The following ENTREP2 variants were observed in gnomAD, a reference collection of about 807,000 sequenced individuals.
The protein encoded by ENTREP2 is protein ENTREP2.
the ENTREP2 span, among the ~76,000 whole-genome samples, chr15:29,489,726 TAAC>T: frequency 2.0e-5 from 3 of 152,098 alleles, no homozygotes; most frequent in Non-Finnish European, 4.4e-5. Context: ...AAGGAGAACT[TAAC>T]AGCACTCTAG....
At chr15:29,347,939 T>C in the ENTREP2 span, among the ~76,000 whole-genome samples, 6 of 152,296 alleles carry the variant, frequency 3.9e-5, no homozygotes, top group African/African-American at 1.2e-4. Context: ...TTCCATTCAC[T>C]GTCATGGCAT....
At chr15:29,668,751 C>T in the ENTREP2 span, among the ~76,000 whole-genome samples, 1 of 152,210 alleles carries the variant, frequency 6.6e-6, no homozygotes, top group South Asian at 2.1e-4. Context: ...CTGACATTCC[C>T]TTATCTGTCT....
chr15:29,632,271 A>T, the ENTREP2 span, among the ~76,000 whole-genome samples: 1 of 152,104 alleles, frequency 6.6e-6, no homozygotes. Context: ...TTATCCATTA[A>T]ATTATTTCCA....
the ENTREP2 span, among the ~76,000 whole-genome samples, chr15:29,175,885 C>A: frequency 2.6e-5 from 4 of 152,242 alleles, no homozygotes; most frequent in African/African-American, 7.2e-5. Context: ...GGATAACAGG[C>A]GTGAGCCACT....
At chr15:29,378,499 T>C in the ENTREP2 span, among the ~76,000 whole-genome samples, 1 of 152,188 alleles carries the variant, frequency 6.6e-6, no homozygotes, top group African/African-American at 2.4e-5. Context: ...TAAGTAGACC[T>C]TGAACAAAGC....
the ENTREP2 span, chr15:29,611,018 A>G: frequency 6.6e-6 from 1 of 152,224 alleles, no homozygotes; most frequent in East Asian, 1.9e-4. Flanking sequence ...ATGTTCAAAG[A>G]AACGCAGTCT....
chr15:29,251,828 C>T, the ENTREP2 span, among the ~76,000 whole-genome samples: 987 of 147,884 alleles, frequency 6.7e-3, 11 homozygotes, highest in African/African-American at 0.023. Context: ...CTTCTTCTAA[C>T]GTGGCCCAAG....
the ENTREP2 span, among the ~76,000 whole-genome samples, chr15:29,357,620 A>G: frequency 6.6e-6 from 1 of 152,094 alleles, no homozygotes; most frequent in Middle Eastern, 3.4e-3. Flanking sequence ...GGCAGATCAC[A>G]AGGTCGGGAG....
At chr15:29,608,885 G>C in the ENTREP2 span, among the ~76,000 whole-genome samples, 6 of 152,096 alleles carry the variant, frequency 3.9e-5, no homozygotes, top group Non-Finnish European at 8.8e-5. Flanking sequence ...CCTTCTTACT[G>C]TGGGCACCTG....
chr15:29,124,858 C>T, the ENTREP2 span: 94 of 1,092,590 alleles, frequency 8.6e-5, no homozygotes, highest in Non-Finnish European at 1.2e-4. Flanking sequence ...TTTTAGATGG[C>T]GAGCAAGCAG....
the ENTREP2 span, among the ~76,000 whole-genome samples, chr15:29,191,490 C>T: frequency 6.6e-6 from 1 of 151,928 alleles, no homozygotes; most frequent in African/African-American, 2.4e-5. Context: ...AAAACGAAGA[C>T]ACAAGGGCTC....
At chr15:29,538,313 C>T in the ENTREP2 span, among the ~76,000 whole-genome samples, 1 of 152,072 alleles carries the variant, frequency 6.6e-6, no homozygotes, top group African/African-American at 2.4e-5. Context: ...TTCAATTCAG[C>T]AGGGCTGGAG....
the ENTREP2 span, among the ~76,000 whole-genome samples, chr15:29,246,388 T>C: frequency 1.9e-5 from 2 of 107,532 alleles, no homozygotes; most frequent in Non-Finnish European, 4.0e-5. Flanking sequence ...TGAAACCCTG[T>C]TTCCAAAAAA....
the ENTREP2 span, among the ~76,000 whole-genome samples, chr15:29,585,724 C>T: frequency 7.0e-4 from 106 of 152,130 alleles, 1 homozygote; most frequent in East Asian, 0.017. Context: ...GGCGCGGTGG[C>T]GGGCGCCTGT....
At chr15:29,157,036 G>A in the ENTREP2 span, among the ~76,000 whole-genome samples, 1 of 152,198 alleles carries the variant, frequency 6.6e-6, no homozygotes, top group Admixed American at 6.5e-5. Context: ...GGTGGAGGTA[G>A]CCGTGAGCCG....
the ENTREP2 span, among the ~76,000 whole-genome samples, chr15:29,470,604 C>T: frequency 4.6e-4 from 70 of 152,314 alleles, no homozygotes; most frequent in Admixed American, 1.2e-3. Flanking sequence ...CCTTCCCAGT[C>T]CTACAAACGC....
chr15:29,394,828 T>C, the ENTREP2 span, among the ~76,000 whole-genome samples: 4 of 151,228 alleles, frequency 2.6e-5, no homozygotes, highest in Non-Finnish European at 5.9e-5. Context: ...CAGGCTTCTA[T>C]CACTTAGGAT....
the ENTREP2 span, among the ~76,000 whole-genome samples, chr15:29,652,478 C>T: frequency 1.5e-4 from 23 of 152,338 alleles, no homozygotes; most frequent in Admixed American, 1.4e-3. Flanking sequence ...ACAAACAGGG[C>T]TGAAACACGC....
the ENTREP2 span, among the ~76,000 whole-genome samples, chr15:29,294,029 A>C: frequency 6.6e-6 from 1 of 152,152 alleles, no homozygotes; most frequent in Non-Finnish European, 1.5e-5. Flanking sequence ...GTCACTGCCA[A>C]GGAATCTTGC....
Sources: gnomAD v4.1 joint callset for allele counts (sites outside exome capture counted in the v4.1 genomes callset) on GRCh38, gnomAD v4.1.1 for gene constraint, MANE v1.5 for transcripts, NCBI Gene and HGNC (gene_info 2026-07-23, HGNC 2026-07-21) for gene names.